RBFOX1: variants seen among roughly 807,000 people sequenced by gnomAD.
RBFOX1 encodes RNA binding protein fox-1 homolog 1.
Under a neutral mutation model 57.7 loss-of-function variants are expected in RBFOX1, and 8 were observed. The observed-to-expected ratio is 0.14, with a 90% CI of 0.08 to 0.25. RBFOX1 has a LOEUF of 0.25. RBFOX1 is among the 10% of genes least tolerant of loss of function. The pLI, the probability that RBFOX1 is intolerant of heterozygous loss-of-function variation, is 1.00. For missense variants in RBFOX1, 611 were observed against 548.5 expected, an observed-to-expected ratio of 1.11 and a Z score of -1.14; for synonymous variants, 326 against 222.4, an observed-to-expected ratio of 1.47 and a Z score of -4.15.
At chr16:5,292,439 C>G (rs895837517) in intron 1 of RBFOX1, among the ~76,000 whole-genome samples, 1 of 152,132 alleles carries the variant, frequency 6.6e-6, no homozygotes, top group African/African-American at 2.4e-5. Context: ...AAAGCCTGTA[C>G]CAACACTCAG....
At chr16:5,548,756 A>G (rs1417506068) in intron 2 of RBFOX1, among the ~76,000 whole-genome samples, 1 of 152,204 alleles carries the variant, frequency 6.6e-6, no homozygotes, top group African/African-American at 2.4e-5. Flanking sequence ...TCATGGATGT[A>G]TGTATATGTC....
chr16:7,050,707 T>G (rs964870484), intron 3 of RBFOX1, among the ~76,000 whole-genome samples: 1 of 152,226 alleles, frequency 6.6e-6, no homozygotes, highest in Non-Finnish European at 1.5e-5. Context: ...TATTTAAAAC[T>G]ATGTTTCTAA....
At chr16:6,503,059 T>G (rs1244533686) in intron 2 of RBFOX1, among the ~76,000 whole-genome samples, 2 of 152,168 alleles carry the variant, frequency 1.3e-5, no homozygotes, top group East Asian at 1.9e-4. Flanking sequence ...TTATAAAGAT[T>G]TAGACATATG....
At chr16:7,622,518 G>C (rs1040500017) in intron 10 of RBFOX1, among the ~76,000 whole-genome samples, 1 of 152,116 alleles carries the variant, frequency 6.6e-6, no homozygotes, top group African/African-American at 2.4e-5. Flanking sequence ...ACAATAAATA[G>C]TCAAGGAACA....
At chr16:5,574,096 G>C (rs541041079) in intron 2 of RBFOX1, among the ~76,000 whole-genome samples, 8 of 152,354 alleles carry the variant, frequency 5.3e-5, no homozygotes, top group African/African-American at 1.9e-4. Context: ...TTGGTGGAAG[G>C]TGGAGTAACT....
chr16:5,911,357 TC>T (rs2152210256), intron 4 of RBFOX1, among the ~76,000 whole-genome samples: 1 of 152,296 alleles, frequency 6.6e-6, no homozygotes, highest in Admixed American at 6.5e-5. Flanking sequence ...AAGTTCCTGT[TC>T]CCCTTATCTT....
At chr16:7,702,294 T>C (rs988980403) in intron 14 of RBFOX1, among the ~76,000 whole-genome samples, 8 of 152,198 alleles carry the variant, frequency 5.3e-5, no homozygotes, top group African/African-American at 1.9e-4. Context: ...TGAAGTCCCA[T>C]ATTCTGGGCT....
chr16:7,260,575 A>G (rs2094879372), intron 4 of RBFOX1, among the ~76,000 whole-genome samples: 1 of 152,068 alleles, frequency 6.6e-6, no homozygotes, highest in Non-Finnish European at 1.5e-5. Context: ...TCGCATCTCC[A>G]TTATGTGTCA....
chr16:7,393,453 T>A (rs1022999508), intron 4 of RBFOX1, among the ~76,000 whole-genome samples: 3 of 152,180 alleles, frequency 2.0e-5, no homozygotes, highest in Admixed American at 1.3e-4. Context: ...ACACTTTTTA[T>A]ATAGTTTCTA....
chr16:5,548,032 G>T (rs1035623729), intron 2 of RBFOX1, among the ~76,000 whole-genome samples: 1 of 151,460 alleles, frequency 6.6e-6, no homozygotes, highest in Admixed American at 6.6e-5. Context: ...GTGGTGGCTT[G>T]TGCCTGTAAT....
At chr16:6,982,870 G>T (rs988700656) in intron 3 of RBFOX1, among the ~76,000 whole-genome samples, 4 of 151,774 alleles carry the variant, frequency 2.6e-5, no homozygotes, top group African/African-American at 9.7e-5. Context: ...GCGGATGCCT[G>T]TAATCCAAGA....
At chr16:5,273,612 G>A (rs2063069813) in intron 1 of RBFOX1, among the ~76,000 whole-genome samples, 1 of 152,178 alleles carries the variant, frequency 6.6e-6, no homozygotes, top group African/African-American at 2.4e-5. Flanking sequence ...AGAAGCGGGG[G>A]AGTGGTGGAT....
chr16:6,715,665 C>A (rs1174097627), intron 3 of RBFOX1, among the ~76,000 whole-genome samples: 2 of 152,080 alleles, frequency 1.3e-5, no homozygotes, highest in Non-Finnish European at 2.9e-5. Flanking sequence ...CTTGGAAAAC[C>A]CATTTCTTGA....
chr16:6,553,656 A>G (rs940994483), intron 2 of RBFOX1, among the ~76,000 whole-genome samples: 8 of 152,152 alleles, frequency 5.3e-5, no homozygotes, highest in African/African-American at 1.7e-4. Context: ...GGACAGGATG[A>G]TAGAAAAGGA....
At chr16:5,452,617 G>A in intron 1 of RBFOX1, among the ~76,000 whole-genome samples, 1 of 151,156 alleles carries the variant, frequency 6.6e-6, no homozygotes, top group East Asian at 2.0e-4. Context: ...GCTACCCAGT[G>A]ACCTTTCTGA....
intron 1 of RBFOX1, among the ~76,000 whole-genome samples, chr16:6,267,041 C>G (rs2074596629): frequency 2.6e-5 from 4 of 152,108 alleles, no homozygotes; most frequent in Admixed American, 1.3e-4. Context: ...GGGATAGGTT[C>G]TAGTGAAAAG....
intron 14 of RBFOX1, among the ~76,000 whole-genome samples, chr16:7,706,804 G>A (rs1412747489): frequency 6.6e-6 from 1 of 152,154 alleles, no homozygotes; most frequent in Non-Finnish European, 1.5e-5. Context: ...ATAAAGAGCA[G>A]TACCAAGGTT....
chr16:6,656,599 GACACACACAC>G (rs60723864), intron 3 of RBFOX1, among the ~76,000 whole-genome samples: 6 of 146,396 alleles, frequency 4.1e-5, no homozygotes, highest in Middle Eastern at 3.6e-3. Flanking sequence ...GGGGAAAATA[GACACACACAC>G]ACACACACAC....
chr16:6,787,461 A>C (rs1378466551), intron 3 of RBFOX1, among the ~76,000 whole-genome samples: 1 of 152,168 alleles, frequency 6.6e-6, no homozygotes, highest in Non-Finnish European at 1.5e-5. Flanking sequence ...ATACAGTTAG[A>C]GTGTGAATTG....
Sources: gnomAD v4.1 joint callset for allele counts (sites outside exome capture counted in the v4.1 genomes callset) on GRCh38, gnomAD v4.1.1 for gene constraint, MANE v1.5 for transcripts, NCBI Gene and HGNC (gene_info 2026-07-23, HGNC 2026-07-21) for gene names.